Variants in KRT8 observed in about 807,000 individuals in gnomAD.
KRT8 encodes the protein keratin 8, also known as keratin, type II cytoskeletal 8.
A neutral mutation model predicts 43.0 loss-of-function variants in KRT8; 24 were observed. The ratio of observed to expected loss-of-function variants is 0.56; its 90% CI spans 0.40 to 0.78. The LOEUF (loss-of-function observed/expected upper bound fraction) is 0.78. KRT8 is among the 30% of genes least tolerant of loss of function. The probability of loss-of-function intolerance (pLI) is 0.00; values close to 1 mark genes in which losing one functional copy is unlikely to be tolerated. For synonymous variants in KRT8, 214 were observed against 261.2 expected, an observed-to-expected ratio of 0.82 and a Z score of 1.74; for missense variants, 492 against 638.4, an observed-to-expected ratio of 0.77 and a Z score of 2.47.
rs7953982 is a variant in KRT8, at chr12:52,903,937, T to C, written c.324+721A>G. On this transcript the variant is annotated intron_variant, in intron 1 of 7. Transcript: ENST00000692008. ...CAGGTGGAGGAGAGCGTCCCGAGAC[T>C]GCTGCCCGCAGCCCCTCACCCCGCC... Among the ~76,000 whole-genome samples, 4 of 145,520 alleles carry C rather than the reference T, an allele frequency of 2.7e-5. No homozygotes were observed. The South Asian group carries it at 6.7e-4, about 24-fold the overall frequency.
intron 2 of KRT8, among the ~76,000 whole-genome samples, chr12:52,916,637 C>T (rs991649420): frequency 6.6e-6 from 1 of 152,128 alleles, no homozygotes; most frequent in Non-Finnish European, 1.5e-5. Flanking sequence ...ATGTATAGAC[C>T]CTCCCCTGAA....
chr12:52,922,908 C>T (rs1941916719), intron 2 of KRT8, among the ~76,000 whole-genome samples: 1 of 152,138 alleles, frequency 6.6e-6, no homozygotes, highest in South Asian at 2.1e-4. Flanking sequence ...GATTCTGCAG[C>T]CAGCATGAGA....
exon 2 of KRT8, chr12:52,901,968 G>A (rs1941381668): frequency 1.2e-6 from 2 of 1,607,280 alleles, no homozygotes; most frequent in Non-Finnish European, 1.7e-6. Context: ...GGTTGTTGAT[G>A]TAGCTCTCGA....
At chr12:52,928,385 T>G (rs538506886) in intron 2 of KRT8, among the ~76,000 whole-genome samples, 2 of 152,278 alleles carry the variant, frequency 1.3e-5, no homozygotes, top group Admixed American at 6.5e-5. Flanking sequence ...CCATTATGCA[T>G]GTCCATTCCC....
At chr12:52,912,926 G>T (rs752815815) in intron 2 of KRT8, among the ~76,000 whole-genome samples, 12 of 152,054 alleles carry the variant, frequency 7.9e-5, no homozygotes, top group Non-Finnish European at 1.6e-4. Flanking sequence ...GCGTGACCAG[G>T]TACCCTGGCT....
exon 6 of KRT8, chr12:52,898,826 T>A (rs1941285726): frequency 2.5e-6 from 4 of 1,613,660 alleles, no homozygotes; most frequent in Non-Finnish European, 3.4e-6. Flanking sequence ...CTCGGACAAC[T>A]TGGCGTTGGC....
intron 2 of KRT8, among the ~76,000 whole-genome samples, chr12:52,926,802 G>C (rs945521165): frequency 2.0e-5 from 3 of 152,178 alleles, no homozygotes; most frequent in Non-Finnish European, 2.9e-5. Context: ...AGTAGTCAGA[G>C]CTCAAACCGG....
chr12:52,917,631 C>T (rs972566604), intron 2 of KRT8, among the ~76,000 whole-genome samples: 2 of 150,386 alleles, frequency 1.3e-5, no homozygotes, highest in Non-Finnish European at 2.9e-5. Flanking sequence ...ATTGCTTGAA[C>T]TCGGGAGGTG....
rs572448387 is a variant in KRT8 at position 52,905,017 on chromosome 12, A to T, written c.-36T>A. ...GGAGTGGAGGCAGGCGGGCCGAACC[A>T]GGCGGAGATCCTAGAAGGAGCGGAG... On this transcript the variant is annotated 5_prime_UTR_variant, in exon 1 of 8. Coordinates refer to ENST00000692008, the Ensembl canonical transcript of KRT8. 5.7e-6 allele frequency: 9 copies of T among 1,586,378 alleles called. No homozygotes were observed. The African/African-American group carries it at 9.4e-5, about 17-fold the overall frequency.
intron 2 of KRT8, among the ~76,000 whole-genome samples, chr12:52,936,646 G>C (rs532754517): frequency 2.0e-5 from 3 of 152,250 alleles, no homozygotes; most frequent in Admixed American, 1.3e-4. Context: ...CTGGGTAGCT[G>C]GGATTACAAG....
At chr12:52,901,623 A>G (rs1370047905) in intron 2 of KRT8, 1 of 594,202 alleles carries the variant, frequency 1.7e-6, no homozygotes, top group Non-Finnish European at 3.0e-6. Flanking sequence ...CAACATTGAC[A>G]CATAATTTGT....
chr12:52,930,052 G>A (rs1942058955), intron 2 of KRT8, among the ~76,000 whole-genome samples: 1 of 152,174 alleles, frequency 6.6e-6, no homozygotes, highest in Non-Finnish European at 1.5e-5. Flanking sequence ...GCTGAGGATG[G>A]CACTAGAACC....
At chr12:52,936,507 T>A (rs779513456) in intron 2 of KRT8, among the ~76,000 whole-genome samples, 7 of 152,044 alleles carry the variant, frequency 4.6e-5, no homozygotes, top group Non-Finnish European at 1.0e-4. Context: ...ATTTCTTCTG[T>A]TGTTTTTGTT....
chr12:52,922,986 C>T (rs1444472361), intron 2 of KRT8, among the ~76,000 whole-genome samples: 1 of 152,220 alleles, frequency 6.6e-6, no homozygotes, highest in African/African-American at 2.4e-5. Flanking sequence ...AGGAGCTTCC[C>T]CGCTGATCTG....
chr12:52,943,858 C>T (rs1320957575), intron 2 of KRT8, among the ~76,000 whole-genome samples: 2 of 152,244 alleles, frequency 1.3e-5, no homozygotes, highest in African/African-American at 4.8e-5. Flanking sequence ...CTGACAGAGA[C>T]AGAGCCGGCT....
exon 8 of KRT8, chr12:52,897,519 C>T (rs368206870): frequency 9.4e-6 from 15 of 1,598,754 alleles, no homozygotes; most frequent in East Asian, 2.2e-5. Context: ...GGAGCTGGTG[C>T]GGCTGAAGGA....
chr12:52,933,042 C>G (rs1942110240), intron 2 of KRT8, among the ~76,000 whole-genome samples: 1 of 152,176 alleles, frequency 6.6e-6, no homozygotes. Context: ...CTCCCAGGTT[C>G]AAGGGATTCT....
chr12:52,930,714 C>G (rs1942068964), intron 2 of KRT8, among the ~76,000 whole-genome samples: 1 of 152,006 alleles, frequency 6.6e-6, no homozygotes, highest in African/African-American at 2.4e-5. Flanking sequence ...GCATGCACCA[C>G]CACACCTGGC....
intron 2 of KRT8, among the ~76,000 whole-genome samples, chr12:52,917,708 CAAA>C (rs535303270): frequency 3.3e-5 from 1 of 29,958 alleles, no homozygotes. Flanking sequence ...GACTCTGTCT[CAAA>C]AAAAAAAAAA....
Sources: allele counts gnomAD v4.1 joint callset (sites outside exome capture counted in the v4.1 genomes callset), GRCh38; gene constraint gnomAD v4.1.1; transcripts MANE v1.5; gene names NCBI Gene and HGNC (gene_info 2026-07-23, HGNC 2026-07-21).